HERPUD2: variants seen among roughly 807,000 people sequenced by gnomAD.
The protein encoded by HERPUD2 is homocysteine-responsive endoplasmic reticulum-resident ubiquitin-like domain member 2 protein.
HERPUD2 carries 13 observed loss-of-function variants against 49.9 expected under a neutral mutation model. That is an observed-to-expected ratio of 0.26 (90% CI 0.17 to 0.41). HERPUD2 has a LOEUF of 0.41. HERPUD2 is among the 10% of genes least tolerant of loss of function. The pLI is 1.00. For synonymous variants in HERPUD2, 172 were observed against 171.4 expected, an observed-to-expected ratio of 1.00 and a Z score of -0.03; for missense variants, 449 against 492.2, an observed-to-expected ratio of 0.91 and a Z score of 0.83.
Position 35,633,777 on chromosome 7 carries a change from C to T in HERPUD2, c.1134G>A (p.Arg378=), listed in dbSNP as rs765604207. Reference sequence around the variant, plus strand: ...ACCAAGCTGAAGCCATTAATCCAGGCCTTTGAATTGCACTGGCATCTTCAC... The same window carrying T: ...ACCAAGCTGAAGCCATTAATCCAGGTCTTTGAATTGCACTGGCATCTTCAC... ...DGGEDASAIQ[R]PGLMASAWSF... The change falls in exon 9 of 9, where the codon AGG becomes AGA. Residue 378 remains arginine (R), a synonymous_variant. Transcript: ENST00000311350. 3 of 1,614,028 alleles carry T rather than the reference C, an allele frequency of 1.9e-6. No homozygotes were observed. The Admixed American group carries it at 5.0e-5, about 27-fold the overall frequency.
chr7:35,635,861 C>A (rs1415967484), intron 6 of HERPUD2, among the ~76,000 whole-genome samples: 2 of 152,136 alleles, frequency 1.3e-5, no homozygotes, highest in Admixed American at 1.3e-4. Flanking sequence ...CTCAGACCCA[C>A]GTTTTGAAAG....
chr7:35,690,580 T>C (rs1462256404), intron 2 of HERPUD2, among the ~76,000 whole-genome samples: 3 of 152,044 alleles, frequency 2.0e-5, no homozygotes, highest in Non-Finnish European at 2.9e-5. Flanking sequence ...GAGGCCGAGG[T>C]GGGTGGATTA....
intron 2 of HERPUD2, among the ~76,000 whole-genome samples, chr7:35,683,502 C>T (rs1785960184): frequency 6.6e-6 from 1 of 152,180 alleles, no homozygotes; most frequent in Non-Finnish European, 1.5e-5. Context: ...CTTCTAGACA[C>T]TGCCTTAGGC....
intron 5 of HERPUD2, among the ~76,000 whole-genome samples, chr7:35,647,025 A>G (rs1785066387): frequency 6.6e-6 from 1 of 152,212 alleles, no homozygotes; most frequent in Non-Finnish European, 1.5e-5. Context: ...TATATACTTG[A>G]AAGCTATACC....
Position 35,635,360 on chromosome 7 carries a change from G to T in HERPUD2, c.716C>A (p.Pro239His), listed in dbSNP as rs773518701. Residue 239 changes from proline (P) to histidine (H), a missense_variant, in exon 7 of 9, where the codon CCC becomes CAC. Coordinates refer to ENST00000311350, the MANE Select transcript of HERPUD2 (RefSeq NM_022373.5). ...GGCCACTAGGTTTGGAGCTGGTGGG[G>T]GTTCTTCTCCAGGAACATGTGCCAA... ...LNLAHVPGEEPPPAPNLVAQE... is the reference protein window; with the variant it reads ...LNLAHVPGEEHPPAPNLVAQE... The T allele has an allele frequency of 1.2e-6, 2 of 1,613,970 alleles. No homozygotes were observed. The highest frequency in any genetic ancestry group is 1.7e-5 in the Admixed American group (1 of 59,998).
At chr7:35,668,084 A>T (rs1415888313) in intron 4 of HERPUD2, among the ~76,000 whole-genome samples, 1 of 152,116 alleles carries the variant, frequency 6.6e-6, no homozygotes, top group East Asian at 1.9e-4. Flanking sequence ...AAATCCTAGA[A>T]ATCAAAAGAT....
chr7:35,656,016 G>C (rs1242611008), intron 5 of HERPUD2, among the ~76,000 whole-genome samples: 1 of 152,044 alleles, frequency 6.6e-6, no homozygotes, highest in Non-Finnish European at 1.5e-5. Flanking sequence ...CAAAAAATTA[G>C]CCGGGCATCA....
intron 4 of HERPUD2, among the ~76,000 whole-genome samples, chr7:35,668,381 G>A (rs568015353): frequency 4.6e-5 from 7 of 152,172 alleles, no homozygotes; most frequent in Admixed American, 3.3e-4. Context: ...ATAACTCCCT[G>A]AAGACCATCC....
intron 5 of HERPUD2, among the ~76,000 whole-genome samples, chr7:35,646,008 T>C (rs1158848213): frequency 6.6e-6 from 1 of 152,212 alleles, no homozygotes; most frequent in African/African-American, 2.4e-5. Flanking sequence ...ACTGTCTCTC[T>C]GACCAGTCTC....
rs370669616 is a variant in HERPUD2, at chr7:35,635,216, G to A, written c.860C>T (p.Ala287Val). Residue 287 changes from alanine (A) to valine (V), a missense_variant, in exon 7 of 9, where the codon GCG becomes GTG. Physicochemically the swap from Ala to Val is moderately conservative, Grantham distance 64. Coordinates refer to ENST00000311350, the MANE Select transcript of HERPUD2 (RefSeq NM_022373.5). ...LDWMYTFSRA[A>V]ILLSIVYFYS... Reference sequence around the variant, plus strand: ...GAAGTATACAATGCTAAGGAGAATCGCAGCTCGTGAGAACGTGTACATCCA... The same window carrying A: ...GAAGTATACAATGCTAAGGAGAATCACAGCTCGTGAGAACGTGTACATCCA... 41 of 1,613,990 alleles carry A rather than the reference G, an allele frequency of 2.5e-5. No individual in the cohort carries two copies. Among genetic ancestry groups the A allele is most frequent in the Non-Finnish European group, 3.0e-5 (35 of 1,179,968 alleles).
chr7:35,684,181 T>C (rs1038613928), intron 2 of HERPUD2, among the ~76,000 whole-genome samples: 4 of 151,972 alleles, frequency 2.6e-5, no homozygotes, highest in African/African-American at 9.7e-5. Flanking sequence ...GGTCAGGAGA[T>C]CAACACCACC....
intron 5 of HERPUD2, among the ~76,000 whole-genome samples, chr7:35,657,734 C>T (rs1785309231): frequency 6.6e-6 from 1 of 150,942 alleles, no homozygotes. Context: ...ACTGTGAAAC[C>T]CCGTCTCTAC....
intron 5 of HERPUD2, among the ~76,000 whole-genome samples, chr7:35,653,716 T>C (rs1333802780): frequency 2.0e-5 from 3 of 152,242 alleles, no homozygotes; most frequent in Admixed American, 2.0e-4. Context: ...GTATCTTTTA[T>C]GACCACAACG....
At chr7:35,679,241 C>T (rs543775110) in intron 2 of HERPUD2, among the ~76,000 whole-genome samples, 134 of 152,166 alleles carry the variant, frequency 8.8e-4, no homozygotes, top group African/African-American at 3.0e-3. Context: ...TTGAGAATTC[C>T]TAGTCCCAGA....
At chr7:35,686,178 CCTTTTT>C (rs892011608) in intron 2 of HERPUD2, among the ~76,000 whole-genome samples, 3 of 151,148 alleles carry the variant, frequency 2.0e-5, no homozygotes, top group Non-Finnish European at 4.4e-5. Context: ...AATATCATTA[CCTTTTT>C]CTTTTTCTTT....
At chr7:35,661,360 G>A (rs1232038025) in intron 5 of HERPUD2, among the ~76,000 whole-genome samples, 1 of 152,112 alleles carries the variant, frequency 6.6e-6, no homozygotes, top group Non-Finnish European at 1.5e-5. Context: ...TTGGCAATGC[G>A]GGCTCTTTTT....
chr7:35,651,084 C>G (rs1380672274), intron 5 of HERPUD2, among the ~76,000 whole-genome samples: 1 of 152,238 alleles, frequency 6.6e-6, no homozygotes, highest in Non-Finnish European at 1.5e-5. Flanking sequence ...GGCTTGGCAA[C>G]TGGCCCACCC....
intron 5 of HERPUD2, among the ~76,000 whole-genome samples, chr7:35,652,940 A>G (rs1392090857): frequency 6.6e-6 from 1 of 152,042 alleles, no homozygotes; most frequent in African/African-American, 2.4e-5. Flanking sequence ...ATACACAAAT[A>G]AAAAAGAGAA....
intron 5 of HERPUD2, among the ~76,000 whole-genome samples, chr7:35,664,031 C>T (rs867302737): frequency 1.2e-4 from 18 of 152,210 alleles, no homozygotes; most frequent in African/African-American, 3.6e-4. Context: ...GGGCTGGTAC[C>T]GGTTGTTCCT....
Sources: gnomAD v4.1 joint callset for allele counts (sites outside exome capture counted in the v4.1 genomes callset) on GRCh38, gnomAD v4.1.1 for gene constraint, MANE v1.5 for transcripts, NCBI Gene and HGNC (gene_info 2026-07-23, HGNC 2026-07-21) for gene names.